The following POMGNT1 variants were observed in gnomAD, a reference collection of about 807,000 sequenced individuals.
POMGNT1 encodes the protein protein O-linked mannose N-acetylglucosaminyltransferase 1 (beta 1,2-).
POMGNT1 carries 67 observed loss-of-function variants against 95.6 expected under a neutral mutation model. The observed-to-expected ratio is 0.70, with a 90% confidence interval of 0.58 to 0.86. The LOEUF (loss-of-function observed/expected upper bound fraction) is 0.86, where lower values mean the gene tolerates loss of function less well. Ranked by LOEUF, POMGNT1 falls within the 40% of genes least tolerant of loss-of-function variation. The pLI is 0.00. For missense variants in POMGNT1, 719 were observed against 855.2 expected (o/e 0.84, Z 1.99); for synonymous variants, 298 against 317.9 (o/e 0.94, Z 0.66).
upstream of POMGNT1, among the ~76,000 whole-genome samples, chr1:46,201,739 A>G (rs1448197416): frequency 6.6e-6 from 1 of 151,806 alleles, no homozygotes; most frequent in Non-Finnish European, 1.5e-5. Context: ...AAGAAAAGAA[A>G]TATATATTGC....
upstream of POMGNT1, among the ~76,000 whole-genome samples, chr1:46,200,209 A>G (rs1459414508): frequency 2.0e-5 from 3 of 152,218 alleles, no homozygotes; most frequent in Non-Finnish European, 4.4e-5. Flanking sequence ...GATGTCCCTC[A>G]GGGTTCCTTC....
intron 1 of POMGNT1, among the ~76,000 whole-genome samples, chr1:46,214,217 G>T (rs1658989128): frequency 6.6e-6 from 1 of 151,890 alleles, no homozygotes; most frequent in Non-Finnish European, 1.5e-5. Context: ...GTGGTAGCGG[G>T]CACCTGTAAT....
upstream of POMGNT1, among the ~76,000 whole-genome samples, chr1:46,198,603 A>T (rs1658430058): frequency 6.6e-6 from 1 of 152,148 alleles, no homozygotes; most frequent in African/African-American, 2.4e-5. Flanking sequence ...AGACCGTGCT[A>T]GGCAGCTTCG....
intron 20 of POMGNT1, 83 bp from the exon 21 acceptor site, chr1:46,189,650 AC>A: frequency 6.4e-7 from 1 of 1,556,548 alleles, no homozygotes; most frequent in Non-Finnish European, 8.7e-7. Flanking sequence ...CCCAGCCCCC[AC>A]CCCTCCTCAG....
Position 46,212,517 on chromosome 1 carries a change from G to A in POMGNT1, c.-51+7188C>T, listed in dbSNP as rs111673543. On this transcript the variant is annotated intron_variant, in intron 1 of 22. Transcript: ENST00000371992. ...AGGATGGTCTTGATCTCCTGACCTC[G>A]TGATCCGCCCGCCTTGGCCTCCCAA... is the stretch of plus-strand genomic sequence containing the variant. Among the ~76,000 whole-genome samples, 1,255 of 150,758 alleles carry A rather than the reference G, an allele frequency of 8.3e-3. 19 individuals are homozygous for A. The highest frequency in any genetic ancestry group is 0.039 in the Middle Eastern group (11 of 282).
chr1:46,190,002 G>A lies in POMGNT1; in HGVS notation c.1650-13C>T, dbSNP rs1413241496. ...AACCTCAGCCTCACTGCAGTAGAGG[G>A]TGGGAGAATATAGCCAAGACAGGGC... On this transcript the variant is annotated splice_polypyrimidine_tract_variant and intron_variant, in intron 19 of 21. Coordinates refer to ENST00000371984, the MANE Select transcript of POMGNT1 (RefSeq NM_017739.4). The A allele has an allele frequency of 2.5e-6, 4 of 1,613,508 alleles. No homozygotes were observed. The highest frequency in any genetic ancestry group is 2.2e-5 in the South Asian group (2 of 90,846).
chr1:46,200,085 G>A (rs1011189299), upstream of POMGNT1, among the ~76,000 whole-genome samples: 2 of 152,108 alleles, frequency 1.3e-5, no homozygotes, highest in Non-Finnish European at 2.9e-5. Flanking sequence ...CAGGAGAATC[G>A]CTTGAACCTG....
chr1:46,193,331 T>C lies in POMGNT1; in HGVS notation c.1084A>G (p.Ser362Gly). ...TGAGACACGCGGGCATTCTTGATGC[T>C]GATGGGAGTATGCTGGATGCCCCTC... Reference protein sequence around the residue: ...GLRGIQHTPISIKNARVSQHY... With the variant: ...GLRGIQHTPIGIKNARVSQHY... Residue 362 changes from serine (S) to glycine (G), a missense_variant, in exon 12 of 22, where the codon AGC becomes GGC. Transcript: ENST00000371984. The C allele has an allele frequency of 3.7e-6, 6 of 1,613,760 alleles. No homozygotes were observed. The highest frequency in any genetic ancestry group is 5.1e-6 in the Non-Finnish European group (6 of 1,179,864).
chr1:46,195,072 T>G (rs1200784255), intron 6 of POMGNT1, 111 bp from the exon 7 acceptor site: 1 of 924,762 alleles, frequency 1.1e-6, no homozygotes. Flanking sequence ...CATTACATTA[T>G]TGCAATAACC....
At chr1:46,214,893 G>A (rs1659017763) in intron 1 of POMGNT1, among the ~76,000 whole-genome samples, 2 of 139,664 alleles carry the variant, frequency 1.4e-5, no homozygotes, top group Admixed American at 1.5e-4. Context: ...AAAAAGAGGA[G>A]TTGATCAAGT....
chr1:46,199,301 A>G (rs1169033356), upstream of POMGNT1, among the ~76,000 whole-genome samples: 1 of 152,250 alleles, frequency 6.6e-6, no homozygotes, highest in Non-Finnish European at 1.5e-5. Context: ...TCACAAAGCT[A>G]GGAGAGGTGG....
chr1:46,213,124 CATTT>C (rs1182711730), intron 1 of POMGNT1, among the ~76,000 whole-genome samples: 1 of 151,820 alleles, frequency 6.6e-6, no homozygotes, highest in Non-Finnish European at 1.5e-5. Flanking sequence ...TATATATAAA[CATTT>C]ATGTGTATAT....
intron 14 of POMGNT1, 130 bp downstream of exon 14, chr1:46,192,770 C>T: frequency 6.3e-7 from 1 of 1,581,078 alleles, no homozygotes; most frequent in Non-Finnish European, 8.7e-7. Flanking sequence ...CAACACCTGC[C>T]ATCCTACCTT....
At chr1:46,197,381 A>G in intron 2 of POMGNT1, 1 of 1,482,940 alleles carries the variant, frequency 6.7e-7, no homozygotes, top group African/African-American at 1.4e-5. Flanking sequence ...CTAGAGATGG[A>G]GCCAGGCCCA....
At chr1:46,198,518 G>GGGCGGCGGCGGCGGCGGCGGCGGT (rs1658418223), upstream of POMGNT1, 2 of 146,718 alleles carry the variant, frequency 1.4e-5, no homozygotes, top group African/African-American at 2.8e-5. Context: ...GCGGTGCTTA[G>GGGCGGCGGCGGCGGCGGCGGCGGT]GGCGGCGGCG....
rs752700398 is a variant in POMGNT1, at chr1:46,190,472, C to T, written c.1649+1G>A. ...TACACCCCAATTGTCCTAGGCCATACCTGAGCAGCCTGTGAACTTCCACTT... is the reference window on the plus strand; with the variant it reads ...TACACCCCAATTGTCCTAGGCCATATCTGAGCAGCCTGTGAACTTCCACTT... On this transcript the variant is annotated splice_donor_variant, in intron 19 of 21. Coordinates refer to ENST00000371984, the MANE Select transcript of POMGNT1 (RefSeq NM_017739.4). LOFTEE classifies it high-confidence loss of function. 10 of 1,595,646 alleles carry T rather than the reference C, an allele frequency of 6.3e-6. No individual in the cohort carries two copies. The highest frequency in any genetic ancestry group is 7.7e-6 in the Non-Finnish European group (9 of 1,163,134).
chr1:46,195,633 A>G, intron 6 of POMGNT1, 178 bp downstream of exon 6: 1 of 699,858 alleles, frequency 1.4e-6, no homozygotes, highest in Non-Finnish European at 2.6e-6. Context: ...CCTGGCATAC[A>G]GCTGTTGCTC....
intron 14 of POMGNT1, 131 bp from the exon 15 acceptor site, chr1:46,192,721 ACT>A: frequency 6.3e-7 from 1 of 1,597,316 alleles, no homozygotes; most frequent in Non-Finnish European, 8.5e-7. Flanking sequence ...CCAAATCCCC[ACT>A]GTCTCCATTC....
At position 46,214,004 on chromosome 1, in the gene POMGNT1, AAAG is replaced by A. The variant is rs560180032; in HGVS notation, c.-51+5698_-51+5700del. On this transcript the variant is annotated intron_variant, in intron 1 of 22. Transcript: ENST00000371992. ...CCACTCTGAAGGGTGAGCAGCAGTT[AAAG>A]ATGATAGACATCTGACCCTCTATAT... 2.9e-4 allele frequency among the ~76,000 whole-genome samples: 44 copies of A among 152,302 alleles called. No homozygotes were observed. The East Asian group carries it at 6.6e-3, about 23-fold the overall frequency.
Sources: gnomAD v4.1 joint callset for allele counts (sites outside exome capture counted in the v4.1 genomes callset) on GRCh38, gnomAD v4.1.1 for gene constraint, MANE v1.5 for transcripts, NCBI Gene and HGNC (gene_info 2026-07-23, HGNC 2026-07-21) for gene names.